The following XDH variants were observed in gnomAD, a reference collection of about 807,000 sequenced individuals.
XDH encodes xanthine dehydrogenase.
Under a neutral mutation model 156.1 loss-of-function variants are expected in XDH, and 138 were observed. The ratio of observed to expected loss-of-function variants is 0.88; its 90% CI spans 0.77 to 1.02. The LOEUF is 1.02. XDH is among the 50% of genes least tolerant of loss of function. The probability of loss-of-function intolerance (pLI) is 0.00; values close to 1 mark genes in which losing one functional copy is unlikely to be tolerated. For missense variants in XDH, 1,849 were observed against 1,684.9 expected, an observed-to-expected ratio of 1.10 and a Z score of -1.71; for synonymous variants, 669 against 625.7, an observed-to-expected ratio of 1.07 and a Z score of -1.03.
intron 9 of XDH, among the ~76,000 whole-genome samples, chr2:31,385,305 A>G (rs1484255722): frequency 1.3e-5 from 2 of 152,150 alleles, no homozygotes; most frequent in Non-Finnish European, 2.9e-5. Flanking sequence ...TCAAGATCAC[A>G]TTTCTTGAGG....
Position 31,346,841 on chromosome 2 carries a change from C to G in XDH, c.3279G>C (p.Ala1093=). 1 of 1,613,980 alleles carries G rather than the reference C, an allele frequency of 6.2e-7. No homozygotes were observed. The highest frequency in any genetic ancestry group is 1.3e-5 in the African/African-American group (1 of 74,968). Residue 1093 remains alanine, a splice_region_variant and synonymous_variant, in exon 30 of 36, where the codon GCG becomes GCC. Transcript: ENST00000379416. ...SADLNGQAVY[A]ACQTILKRLE... is the part of the protein sequence containing the mutation. ...GCCTTTTCAAGATGGTCTGACAAGC[C>G]GCCTAAAGTAAACACCCCCCACACC...
Position 31,403,130 on chromosome 2 carries a change from T to A in XDH, c.115A>T (p.Thr39Ser). ...CCCCCCTCTCCACAGCCGAGCTTGG[T>A]TCCACTCAGCCCCACTGGGTGGTCA... is the stretch of plus-strand genomic sequence containing the variant. ...YLRRKLGLSGTKLGCGEGGCG... is the reference protein window; with the variant it reads ...YLRRKLGLSGSKLGCGEGGCG... Residue 39 changes from threonine (T) to serine (S), a missense_variant, in exon 3 of 36, where the codon ACC becomes TCC. Thr to Ser is a moderately conservative substitution (Grantham distance 58). Coordinates refer to ENST00000379416, the MANE Select transcript of XDH (RefSeq NM_000379.4). 28 of 1,614,118 alleles carry A rather than the reference T, an allele frequency of 1.7e-5. No individual in the cohort carries two copies. Among genetic ancestry groups the A allele is most frequent in the Non-Finnish European group, 2.4e-5 (28 of 1,180,014 alleles).
chr2:31,398,492 T>G, intron 5 of XDH, 81 bp downstream of exon 5: 1 of 1,606,902 alleles, frequency 6.2e-7, no homozygotes, highest in Non-Finnish European at 8.5e-7. Context: ...TCCCTCATGC[T>G]TCTCACCCTG....
Position 31,348,262 on chromosome 2 carries a change from G to A in XDH, c.3147+6C>T. On this transcript the variant is annotated splice_donor_region_variant and intron_variant, in intron 28 of 35. Transcript: ENST00000379416. ...GGACACAACACTGCCAGAGAGGGCT[G>A]CTCACCTGGACCATTTTGGTATGAA... 1.2e-6 allele frequency: 2 copies of A among 1,613,724 alleles called. No homozygotes were observed. The highest frequency in any genetic ancestry group is 1.7e-6 in the Non-Finnish European group (2 of 1,179,640).
intron 23 of XDH, 110 bp from the exon 24 acceptor site, chr2:31,364,354 A>G: frequency 9.3e-7 from 1 of 1,076,162 alleles, no homozygotes; most frequent in Non-Finnish European, 1.4e-6. Context: ...AATAAACAGA[A>G]CACCACATCA....
At chr2:31,347,406 C>A in intron 29 of XDH, 116 bp downstream of exon 29, 1 of 1,500,966 alleles carries the variant, frequency 6.7e-7, no homozygotes, top group South Asian at 1.2e-5. Context: ...GAGCCAGAGG[C>A]CTGGCCAGAG....
At chr2:31,412,678 A>C (rs1687375140) in intron 1 of XDH, among the ~76,000 whole-genome samples, 1 of 152,206 alleles carries the variant, frequency 6.6e-6, no homozygotes, top group South Asian at 2.1e-4. Context: ...TTTGGTAACT[A>C]CTTTGCACAA....
At chr2:31,412,289 G>A (rs939166364) in intron 1 of XDH, among the ~76,000 whole-genome samples, 5 of 152,124 alleles carry the variant, frequency 3.3e-5, no homozygotes, top group African/African-American at 1.2e-4. Flanking sequence ...AGAGGTATTC[G>A]ACTTCTTGCA....
chr2:31,347,377 A>C, intron 29 of XDH, 145 bp downstream of exon 29: 1 of 1,238,786 alleles, frequency 8.1e-7, no homozygotes, highest in Non-Finnish European at 1.1e-6. Flanking sequence ...TTGGAGAAAC[A>C]GCATCCTCCT....
At chr2:31,396,864 C>T (rs1173503388) in intron 6 of XDH, among the ~76,000 whole-genome samples, 1 of 152,204 alleles carries the variant, frequency 6.6e-6, no homozygotes, top group African/African-American at 2.4e-5. Context: ...TGTTTACCCA[C>T]CCCTTCTTGG....
chr2:31,379,744 A>T, intron 13 of XDH, 123 bp downstream of exon 13: 1 of 981,462 alleles, frequency 1.0e-6, no homozygotes, highest in South Asian at 1.3e-5. Context: ...AGAGAGAAAA[A>T]TCATCAATGT....
intron 34 of XDH, among the ~76,000 whole-genome samples, chr2:31,338,114 G>GT (rs1558671233): frequency 1.3e-5 from 2 of 152,254 alleles, no homozygotes; most frequent in South Asian, 2.1e-4. Flanking sequence ...GTTATACTCG[G>GT]TAATTGTATT....
intron 12 of XDH, among the ~76,000 whole-genome samples, chr2:31,380,184 C>G (rs1686398699): frequency 6.6e-6 from 1 of 152,234 alleles, no homozygotes; most frequent in Non-Finnish European, 1.5e-5. Flanking sequence ...TCTTTAACAA[C>G]CAGTTCCGTG....
chr2:31,343,458 C>T (rs1234451706), intron 31 of XDH, among the ~76,000 whole-genome samples: 3 of 121,868 alleles, frequency 2.5e-5, no homozygotes, highest in Non-Finnish European at 3.5e-5. Flanking sequence ...TACATATATG[C>T]CTTATACATA....
intron 3 of XDH, 25 bp downstream of exon 3, chr2:31,403,023 T>C (rs745947426): frequency 1.9e-6 from 3 of 1,613,350 alleles, no homozygotes; most frequent in African/African-American, 1.3e-5. Context: ...CCCATGTGGG[T>C]GGTCAGCCAG....
intron 9 of XDH, 120 bp from the exon 10 acceptor site, chr2:31,383,967 C>G (rs1446798833): frequency 8.9e-6 from 8 of 901,576 alleles, no homozygotes; most frequent in Non-Finnish European, 1.4e-5. Flanking sequence ...ATAATATGCT[C>G]TCTGGTGACT....
chr2:31,346,928 T>C (rs1685312646), intron 29 of XDH, 85 bp from the exon 30 acceptor site: 12 of 1,569,416 alleles, frequency 7.6e-6, no homozygotes, highest in Non-Finnish European at 7.9e-6. Context: ...CCAGCAAGGC[T>C]ACCTCCAAGC....
intron 11 of XDH, 30 bp from the exon 12 acceptor site, chr2:31,381,756 G>A (rs752148236): frequency 2.5e-6 from 4 of 1,592,340 alleles, no homozygotes; most frequent in Non-Finnish European, 3.4e-6. Context: ...TGCAGTGAGA[G>A]CCCACCCCAG....
chr2:31,370,357 T>C lies in XDH; in HGVS notation c.1978A>G (p.Lys660Glu). ...ATATAAAAAAATCCAAGACTTACCT[T>C]ATCCTTCGCAAAGACTGTCTCATCA... ...CNDETVFAKD[K>E]VTCVGHIIGA... Residue 660 changes from lysine to glutamate, a missense_variant and splice_region_variant, in exon 18 of 36, where the codon AAG (lysine) becomes GAG (glutamate). Transcript: ENST00000379416. 1 of 1,614,220 alleles carries C rather than the reference T, an allele frequency of 6.2e-7. No individual in the cohort carries two copies. The highest frequency in any genetic ancestry group is 8.5e-7 in the Non-Finnish European group (1 of 1,180,032).
Sources: gnomAD v4.1 joint callset for allele counts (sites outside exome capture counted in the v4.1 genomes callset) on GRCh38, gnomAD v4.1.1 for gene constraint, MANE v1.5 for transcripts, NCBI Gene and HGNC (gene_info 2026-07-23, HGNC 2026-07-21) for gene names.